IPO11: variants seen among roughly 807,000 people sequenced by gnomAD.
IPO11 encodes the protein importin-11.
Under a neutral mutation model 143.2 loss-of-function variants are expected in IPO11, and 66 were observed. That is an observed-to-expected ratio of 0.46 (90% CI 0.38 to 0.57). The LOEUF (loss-of-function observed/expected upper bound fraction) is 0.57. Among genes scored for constraint, IPO11 ranks in the 20% least tolerant of loss-of-function variants. The pLI, the probability that IPO11 is intolerant of heterozygous loss-of-function variation, is 0.00. For missense variants in IPO11, 1,026 were observed against 1,141.0 expected (o/e 0.90, Z 1.45); for synonymous variants, 385 against 377.8 (o/e 1.02, Z -0.22).
At chr5:62,529,078 G>A (rs1371667065) in intron 21 of IPO11, among the ~76,000 whole-genome samples, 1 of 151,904 alleles carries the variant, frequency 6.6e-6, no homozygotes, top group Non-Finnish European at 1.5e-5. Context: ...CTTGCTTTAG[G>A]TTTATGGGCT....
At chr5:62,414,146 G>A (rs1224338354) in intron 1 of IPO11, among the ~76,000 whole-genome samples, 1 of 152,152 alleles carries the variant, frequency 6.6e-6, no homozygotes, top group Non-Finnish European at 1.5e-5. Flanking sequence ...AATGTTAGAG[G>A]TTTTAAACAA....
At chr5:62,596,626 A>G (rs1048844372) in intron 28 of IPO11, among the ~76,000 whole-genome samples, 3 of 152,220 alleles carry the variant, frequency 2.0e-5, no homozygotes, top group Non-Finnish European at 4.4e-5. Context: ...ACATTGACCC[A>G]CTGAACGGCT....
chr5:62,579,517 A>G, intron 27 of IPO11: 2 of 1,551,052 alleles, frequency 1.3e-6, no homozygotes, highest in Non-Finnish European at 1.7e-6. Flanking sequence ...ATTACTCCAC[A>G]AAGAAATACT....
chr5:62,416,735 T>A (rs76498489), intron 1 of IPO11, among the ~76,000 whole-genome samples: 14,317 of 150,942 alleles, frequency 0.095, 660 homozygotes, highest in South Asian at 0.16. Flanking sequence ...TTTTATTTTT[T>A]TTTTTTGAGA....
chr5:62,463,489 T>C (rs1161971412), intron 5 of IPO11, among the ~76,000 whole-genome samples: 1 of 151,696 alleles, frequency 6.6e-6, no homozygotes, highest in East Asian at 2.0e-4. Flanking sequence ...CACAGTGAGA[T>C]CCTATCTCTA....
In IPO11 at chr5:62,551,432, G is replaced by A. The variant is rs1580315895; in HGVS notation, c.2460+96G>A. 64 of 664,502 alleles carry A rather than the reference G, an allele frequency of 9.6e-5. No homozygotes were observed. The East Asian group carries it at 1.8e-3, about 18-fold the overall frequency. The allele number at this position is 664,502 out of a possible 1,614,324, so 41.2% of individuals were successfully genotyped here. A position where few individuals can be genotyped will look rare whatever the true frequency, so the allele number is the denominator to read the frequency against. On this transcript the variant is annotated intron_variant, in intron 26 of 29. Coordinates refer to ENST00000325324, the MANE Select transcript of IPO11 (RefSeq NM_016338.5). ...AATGAGTCTTTGTAAAAGTCGCTTT[G>A]TAGTATTTAGACCTTTACATTTTAA...
intron 27 of IPO11, among the ~76,000 whole-genome samples, chr5:62,583,632 G>A (rs1007848118): frequency 1.3e-5 from 2 of 152,102 alleles, no homozygotes; most frequent in African/African-American, 4.8e-5. Context: ...AATCAAAAGA[G>A]AGCTGGAGTA....
At chr5:62,424,174 C>T (rs1743622249) in intron 1 of IPO11, among the ~76,000 whole-genome samples, 1 of 150,634 alleles carries the variant, frequency 6.6e-6, no homozygotes, top group Non-Finnish European at 1.5e-5. Context: ...GAGTCTTGCT[C>T]TGTCGCTCAG....
chr5:62,443,371 T>G (rs1744568992), intron 3 of IPO11: 1 of 270,174 alleles, frequency 3.7e-6, no homozygotes. Flanking sequence ...TTCTTCATGG[T>G]TTTCCATTTG....
intron 29 of IPO11, among the ~76,000 whole-genome samples, chr5:62,611,011 TTAAC>T (rs1745909515): frequency 6.6e-6 from 1 of 152,352 alleles, no homozygotes; most frequent in Admixed American, 6.5e-5. Flanking sequence ...CTAAGTTTGA[TTAAC>T]TGACTGTTGT....
At chr5:62,493,343 T>C (rs1458444041) in intron 15 of IPO11, among the ~76,000 whole-genome samples, 1 of 152,120 alleles carries the variant, frequency 6.6e-6, no homozygotes, top group Non-Finnish European at 1.5e-5. Context: ...ACCTTTCCAG[T>C]TTTAGAGTTT....
chr5:62,582,422 G>A (rs1037424171), intron 27 of IPO11, among the ~76,000 whole-genome samples: 2 of 152,168 alleles, frequency 1.3e-5, no homozygotes, highest in African/African-American at 4.8e-5. Flanking sequence ...CACTAAGCTA[G>A]GGAAAGAAAA....
chr5:62,490,053 A>G, intron 14 of IPO11, 62 bp from the exon 15 acceptor site: 1 of 867,144 alleles, frequency 1.2e-6, no homozygotes, highest in Non-Finnish European at 1.8e-6. Context: ...TATGTTTCAT[A>G]CACTCATTTG....
Position 62,474,446 on chromosome 5 carries a change from A to C in IPO11, c.739A>C (p.Lys247Gln), listed in dbSNP as rs759141926. The part of the protein sequence containing the change: ...GFLHGIFERL[K>Q]QFLECSRSIG... ...TTTACATGGAATATTTGAACGTCTA[A>C]AACAGTTTCTGGAATGCAGTAAGTA... Residue 247 changes from lysine to glutamine, a missense_variant, in exon 8 of 30, where the codon AAA (lysine) becomes CAA (glutamine). Physicochemically the swap from Lys to Gln is moderately conservative, Grantham distance 53. Around this residue, in one of 5 missense-constraint regions of IPO11, gnomAD observed 429 missense variants for 456.3 expected, o/e 0.94. Transcript: ENST00000325324. The C allele has an allele frequency of 2.7e-5, 43 of 1,576,710 alleles. No homozygotes were observed. Among genetic ancestry groups the C allele is most frequent in the Non-Finnish European group, 4.3e-6 (5 of 1,165,112 alleles).
intron 16 of IPO11, among the ~76,000 whole-genome samples, chr5:62,496,708 A>G (rs1741170577): frequency 6.6e-6 from 1 of 152,196 alleles, no homozygotes; most frequent in African/African-American, 2.4e-5. Flanking sequence ...TATATATGCA[A>G]ACATGCATTT....
At chr5:62,457,965 G>C (rs1745221364) in intron 5 of IPO11, among the ~76,000 whole-genome samples, 1 of 151,958 alleles carries the variant, frequency 6.6e-6, no homozygotes. Context: ...TGGCTAACAC[G>C]GTGAAACCCT....
intron 10 of IPO11, 35 bp from the exon 11 acceptor site, chr5:62,483,975 G>T: frequency 6.4e-7 from 1 of 1,555,990 alleles, no homozygotes; most frequent in Non-Finnish European, 8.7e-7. Flanking sequence ...ACAATGTTTG[G>T]CTATACAATT....
intron 15 of IPO11, among the ~76,000 whole-genome samples, chr5:62,493,248 A>G (rs1347722076): frequency 1.3e-5 from 2 of 152,210 alleles, no homozygotes; most frequent in African/African-American, 4.8e-5. Flanking sequence ...AGTTTCTTAC[A>G]TTGTTCTGAA....
chr5:62,433,155 T>TGG (rs1156952048), intron 1 of IPO11, among the ~76,000 whole-genome samples: 3 of 151,542 alleles, frequency 2.0e-5, no homozygotes, highest in African/African-American at 7.3e-5. Flanking sequence ...TGTTTTTTGT[T>TGG]TTTTTTTTAA....
Sources: allele counts gnomAD v4.1 joint callset (sites outside exome capture counted in the v4.1 genomes callset), GRCh38; gene constraint gnomAD v4.1.1; regional missense constraint gnomAD v4.1.1; transcripts MANE v1.5; gene names NCBI Gene and HGNC (gene_info 2026-07-23, HGNC 2026-07-21).